ADGRG5: variants seen among roughly 807,000 people sequenced by gnomAD.
ADGRG5 encodes G protein-coupled receptor 114.
Under a neutral mutation model 53.2 loss-of-function variants are expected in ADGRG5, and 37 were observed. The observed-to-expected ratio is 0.70, with a 90% CI of 0.53 to 0.91. The LOEUF (loss-of-function observed/expected upper bound fraction) is 0.91, where lower values mean the gene tolerates loss of function less well. Ranked by LOEUF, ADGRG5 falls within the 40% of genes least tolerant of loss-of-function variation. The pLI is 0.00. For synonymous variants in ADGRG5, 277 were observed against 290.4 expected (o/e 0.95, Z 0.47); for missense variants, 614 against 675.8 (o/e 0.91, Z 1.01).
At chr16:57,567,126 C>G (rs1435389700) in intron 7 of ADGRG5, among the ~76,000 whole-genome samples, 1 of 152,186 alleles carries the variant, frequency 6.6e-6, no homozygotes, top group African/African-American at 2.4e-5. Context: ...CCCAGTTCTG[C>G]CAGCCATGTG....
chr16:57,568,554 G>T (rs1361984193), intron 9 of ADGRG5, among the ~76,000 whole-genome samples: 1 of 100,172 alleles, frequency 1.0e-5, no homozygotes, highest in African/African-American at 4.1e-5. Flanking sequence ...TCACCACCAT[G>T]ATCACCTCCT....
chr16:57,545,168 A>T (rs1194564318), intron 1 of ADGRG5, among the ~76,000 whole-genome samples: 1 of 152,180 alleles, frequency 6.6e-6, no homozygotes, highest in Non-Finnish European at 1.5e-5. Flanking sequence ...CCAAATAAAT[A>T]AGAACCCAGT....
At chr16:57,534,729 G>T in the ADGRG5 span, among the ~76,000 whole-genome samples, 1 of 152,198 alleles carries the variant, frequency 6.6e-6, no homozygotes, top group Non-Finnish European at 1.5e-5. Flanking sequence ...AGTTTGGGAA[G>T]GTTGAGTCAT....
chr16:57,574,896 G>A lies in ADGRG5; in HGVS notation c.1290G>A (p.Val430=). The A allele has an allele frequency of 6.2e-7, 1 of 1,612,500 alleles. No homozygotes were observed. Among genetic ancestry groups the A allele is most frequent in the East Asian group, 2.2e-5 (1 of 44,860 alleles). ...GGLTSLFNLV[V]LAWALWTLRR... is the part of the protein sequence containing the mutation. The stretch of plus-strand genomic sequence containing the variant: ...TCACGTCCCTCTTCAACCTGGTGGT[G>A]CTGGCCTGGGCGCTGTGGACCCTGC... The change falls in exon 11 of 12, where the codon GTG becomes GTA. Residue 430 remains valine, a synonymous_variant. Transcript: ENST00000349457. The surrounding 1 kb of genome is among the most constrained non-coding windows in gnomAD (Gnocchi z 4.4).
intron 1 of ADGRG5, among the ~76,000 whole-genome samples, chr16:57,543,911 T>C (rs1452444420): frequency 6.6e-6 from 1 of 152,222 alleles, no homozygotes; most frequent in African/African-American, 2.4e-5. Flanking sequence ...ATAGATTTCC[T>C]TGGCCTCATT....
At chr16:57,562,608 G>T (rs945248549) in intron 3 of ADGRG5, 149 bp downstream of exon 3, 4 of 607,324 alleles carry the variant, frequency 6.6e-6, no homozygotes, top group Non-Finnish European at 1.2e-5. Context: ...GATGCAGGAT[G>T]GGCATGTCAC....
rs1447024123 is a variant in ADGRG5, at chr16:57,577,087, A to T, written c.*1549A>T. The T allele has an allele frequency of 1.3e-5, 2 of 152,226 alleles. No individual in the cohort carries two copies. The highest frequency in any genetic ancestry group is 4.8e-5 in the African/African-American group (2 of 41,446). The allele number at this position is 152,226 out of a possible 1,614,324, so 9.4% of individuals were successfully genotyped here. A position where few individuals can be genotyped will look rare whatever the true frequency, so the allele number is the denominator to read the frequency against. ...AAACCACTCAGCCTCTGTGTGCCTC[A>T]GTTTTCCTATTTGTAAAATAGAGGC... On this transcript the variant is annotated 3_prime_UTR_variant, in exon 12 of 12. Coordinates refer to ENST00000349457, the MANE Select transcript of ADGRG5 (RefSeq NM_001304376.3).
chr16:57,539,817 C>A (rs4783993), upstream of ADGRG5, among the ~76,000 whole-genome samples: 53,979 of 151,090 alleles, frequency 0.36, 9,748 homozygotes, highest in East Asian at 0.43. Flanking sequence ...TGTGTGTGTG[C>A]GTGTATATAT....
intron 1 of ADGRG5, among the ~76,000 whole-genome samples, chr16:57,548,431 G>T (rs1233223377): frequency 6.6e-6 from 1 of 152,026 alleles, no homozygotes; most frequent in African/African-American, 2.4e-5. Context: ...ACTCATTTAT[G>T]TATGCCGGTT....
chr16:57,571,656 C>CT (rs61698586), intron 10 of ADGRG5, among the ~76,000 whole-genome samples: 6,178 of 133,950 alleles, frequency 0.046, 205 homozygotes, highest in Middle Eastern at 0.11. Flanking sequence ...TCTTTTTTTT[C>CT]TTTTTTTTTT....
At chr16:57,549,763 C>T (rs2032704118) in intron 1 of ADGRG5, among the ~76,000 whole-genome samples, 1 of 152,114 alleles carries the variant, frequency 6.6e-6, no homozygotes, top group Non-Finnish European at 1.5e-5. Flanking sequence ...TTCTCTGATC[C>T]AATAGTTTTG....
rs146039506 is a variant in ADGRG5, at chr16:57,556,966, A to G, written c.-38-5090A>G. On this transcript the variant is annotated intron_variant, in intron 1 of 11. Transcript: ENST00000349457. ...GCTCTGTCACCCAGGCTGGAGTGCA[A>G]TGGCATGATCATGGCTCACTGCAAT... Among the ~76,000 whole-genome samples the G allele has an allele frequency of 4.0e-3, 564 of 139,966 alleles. 13 individuals are homozygous for G. The Admixed American group carries it at 0.041, about 10-fold the overall frequency. 91.8% of individuals were successfully genotyped at this position (139,966 alleles called of 152,430 possible).
rs200800828 is a variant in ADGRG5, at chr16:57,567,529, C to T, written c.759C>T (p.Leu253=). The part of the protein sequence containing the change: ...ELLAPLTYIS[L]VGCSISIVAS... The stretch of plus-strand genomic sequence containing the variant: ...TGGCACCTCTTACGTACATCTCCCT[C>T]GTGGGCTGCAGCATCTCCATCGTGG... Residue 253 remains leucine, a synonymous_variant, in exon 8 of 12, where the codon CTC becomes CTT. Transcript: ENST00000349457. The T allele has an allele frequency of 3.2e-5, 52 of 1,611,836 alleles. No individual in the cohort carries two copies. The East Asian group carries it at 9.6e-4, about 30-fold the overall frequency.
intron 8 of ADGRG5, 97 bp from the exon 9 acceptor site, chr16:57,567,759 G>T (rs1051538475): frequency 2.1e-6 from 3 of 1,462,092 alleles, no homozygotes; most frequent in Admixed American, 1.9e-5. Flanking sequence ...CCCCTTCTTC[G>T]CCTCAGTTTC....
chr16:57,568,691 CCATCACCTCCAT>C (rs1673488802), intron 9 of ADGRG5, among the ~76,000 whole-genome samples: 2 of 150,748 alleles, frequency 1.3e-5, no homozygotes, highest in African/African-American at 2.4e-5. Context: ...TCCTCCACCT[CCATCACCTCCAT>C]CATCACCTCC....
intron 10 of ADGRG5, among the ~76,000 whole-genome samples, chr16:57,572,051 C>T (rs1437144069): frequency 6.6e-6 from 1 of 152,194 alleles, no homozygotes; most frequent in Non-Finnish European, 1.5e-5. Context: ...GCCAGCTTCT[C>T]CCTGGGTCTT....
rs1485687825 is a variant in ADGRG5, at chr16:57,576,846, G to A, written c.*1308G>A. 1.3e-5 allele frequency: 2 copies of A among 152,370 alleles called. No individual in the cohort carries two copies. The highest frequency in any genetic ancestry group is 3.9e-4 in the East Asian group (2 of 5,180). 9.4% of individuals were successfully genotyped at this position (152,370 alleles called of 1,614,324 possible). On this transcript the variant is annotated 3_prime_UTR_variant, in exon 12 of 12. Coordinates refer to ENST00000349457, the MANE Select transcript of ADGRG5 (RefSeq NM_001304376.3). Reference sequence around the variant, plus strand: ...GTGGGTGCTCAGGGCCCTGCCCCAGGCCACTGGGCCGTTTTGATGACCTCG... The same window carrying A: ...GTGGGTGCTCAGGGCCCTGCCCCAGACCACTGGGCCGTTTTGATGACCTCG...
At chr16:57,549,782 A>T (rs577041603) in intron 1 of ADGRG5, among the ~76,000 whole-genome samples, 107 of 152,326 alleles carry the variant, frequency 7.0e-4, no homozygotes, top group Non-Finnish European at 2.6e-4. Context: ...TGACTTTTCT[A>T]GATTCCACTT....
At chr16:57,572,469 T>TCAAA (rs1265852664) in intron 10 of ADGRG5, among the ~76,000 whole-genome samples, 11 of 150,570 alleles carry the variant, frequency 7.3e-5, no homozygotes, top group Admixed American at 5.3e-4. Context: ...AGACTCTGAC[T>TCAAA]CAAACAAACA....
Sources: allele counts gnomAD v4.1 joint callset (sites outside exome capture counted in the v4.1 genomes callset), GRCh38; gene constraint gnomAD v4.1.1; non-coding constraint Gnocchi (gnomAD v3.1); transcripts MANE v1.5; gene names NCBI Gene and HGNC (gene_info 2026-07-23, HGNC 2026-07-21).